Variants in ADCY5 observed in about 807,000 individuals in gnomAD.
ADCY5 encodes adenylate cyclase type 5.
ADCY5 carries 30 observed loss-of-function variants against 119.7 expected under a neutral mutation model. The observed-to-expected ratio is 0.25, with a 90% CI of 0.19 to 0.34. The LOEUF is 0.34. ADCY5 is among the 10% of genes least tolerant of loss of function. The pLI is 1.00. For missense variants in ADCY5, 1,324 were observed against 1,775.2 expected, an observed-to-expected ratio of 0.75 and a Z score of 4.57; for synonymous variants, 753 against 762.2, an observed-to-expected ratio of 0.99 and a Z score of 0.20.
intron 12 of ADCY5, among the ~76,000 whole-genome samples, chr3:123,310,286 T>C (rs528107569): frequency 9.9e-5 from 15 of 151,228 alleles, no homozygotes; most frequent in African/African-American, 3.2e-4. Context: ...GGAGTCACCA[T>C]TTGGGCGGTG....
intron 1 of ADCY5, among the ~76,000 whole-genome samples, chr3:123,408,255 G>T (rs1429802772): frequency 6.6e-6 from 1 of 151,866 alleles, no homozygotes; most frequent in Non-Finnish European, 1.5e-5. Flanking sequence ...GTCGTTATGA[G>T]AATCGAGTGA....
chr3:123,443,751 T>C (rs1018061), intron 1 of ADCY5, among the ~76,000 whole-genome samples: 148,632 of 152,308 alleles, frequency 0.98, 72,626 homozygotes, highest in Non-Finnish European at 1. Flanking sequence ...AAACCCCTAG[T>C]GGCTCCCCCA....
chr3:123,345,769 G>GACACACAGACACACACAC (rs1553731376), intron 3 of ADCY5, among the ~76,000 whole-genome samples: 15,764 of 113,380 alleles, frequency 0.14, 1,553 homozygotes, highest in Middle Eastern at 0.18. Context: ...CAGACAGACA[G>GACACACAGACACACACAC]ACACACACAC....
Position 123,448,015 on chromosome 3 carries a change from G to A in ADCY5, c.531C>T (p.Ala177=), listed in dbSNP as rs1416266221. Residue 177 remains alanine (A), a synonymous_variant, in exon 1 of 21, where the codon GCC becomes GCT. Transcript: ENST00000462833. ...CCCCGGACCCCTCGCCGCCCTCGAC[G>A]GCGCCGGCCTCCAGCTCGTCGGCCG... ...GRAADELEAG[A]VEGGEGSGDG... The A allele has an allele frequency of 8.6e-6, 11 of 1,273,074 alleles. No individual in the cohort carries two copies. The highest frequency in any genetic ancestry group is 1.1e-5 in the Non-Finnish European group (11 of 1,015,018). 78.9% of individuals were successfully genotyped at this position (1,273,074 alleles called of 1,614,324 possible).
chr3:123,299,851 G>A (rs1244621475), intron 15 of ADCY5, among the ~76,000 whole-genome samples: 1 of 152,262 alleles, frequency 6.6e-6, no homozygotes, highest in Admixed American at 6.5e-5. Context: ...GGACCGAGGT[G>A]AAAGCAGCCC....
At chr3:123,426,607 G>A (rs928569784) in intron 1 of ADCY5, among the ~76,000 whole-genome samples, 19 of 152,086 alleles carry the variant, frequency 1.2e-4, no homozygotes, top group African/African-American at 1.9e-4. Context: ...CTGGGATTAC[G>A]GGCGTGAGCC....
chr3:123,373,250 G>A (rs1943696856), intron 1 of ADCY5, among the ~76,000 whole-genome samples: 2 of 152,226 alleles, frequency 1.3e-5, no homozygotes, highest in Non-Finnish European at 2.9e-5. Context: ...TGTACATGAG[G>A]AATACAGACT....
intron 16 of ADCY5, chr3:123,297,105 T>C: frequency 2.0e-6 from 3 of 1,492,688 alleles, no homozygotes; most frequent in South Asian, 1.2e-5. Flanking sequence ...TATGGGATGA[T>C]CTGAAGCCGG....
At chr3:123,363,582 A>G (rs573193977) in intron 1 of ADCY5, among the ~76,000 whole-genome samples, 1 of 152,326 alleles carries the variant, frequency 6.6e-6, no homozygotes, top group South Asian at 2.1e-4. Context: ...AGGAGCAGCT[A>G]AATGTTGAAA....
Position 123,297,388 on chromosome 3 carries a change from AAG to A in ADCY5, c.2901-8_2901-7del. On this transcript the variant is annotated splice_polypyrimidine_tract_variant and splice_region_variant and intron_variant, in intron 15 of 20. Coordinates refer to ENST00000462833, the MANE Select transcript of ADCY5 (RefSeq NM_183357.3). The stretch of plus-strand genomic sequence containing the variant: ...TCCCGTTGTTGAAGAAGTCTCTGTG[AAG>A]AGAGTTGGGGAAGACTGGTCAGGGC... The A allele has an allele frequency of 7.4e-6, 12 of 1,613,948 alleles. No individual in the cohort carries two copies. The highest frequency in any genetic ancestry group is 1.0e-5 in the Non-Finnish European group (12 of 1,179,944).
chr3:123,367,797 C>T, intron 1 of ADCY5: 3 of 1,446,474 alleles, frequency 2.1e-6, no homozygotes, highest in Middle Eastern at 3.5e-4. Flanking sequence ...CACATCTCCT[C>T]CCTCTTTCCA....
chr3:123,445,339 G>A (rs28452594), intron 1 of ADCY5, among the ~76,000 whole-genome samples: 1 of 145,824 alleles, frequency 6.9e-6, no homozygotes, highest in Non-Finnish European at 1.5e-5. Context: ...TGGAATTGGG[G>A]CCCCCCCCAA....
At chr3:123,351,702 G>T (rs1364458345) in intron 2 of ADCY5, among the ~76,000 whole-genome samples, 1 of 152,152 alleles carries the variant, frequency 6.6e-6, no homozygotes, top group African/African-American at 2.4e-5. Context: ...CACAGAAGAG[G>T]AGACAGTGGG....
chr3:123,426,234 G>C (rs1178276475), intron 1 of ADCY5, among the ~76,000 whole-genome samples: 1 of 151,814 alleles, frequency 6.6e-6, no homozygotes, highest in African/African-American at 2.4e-5. Flanking sequence ...GGACAGCAGT[G>C]AACAGGATGA....
At chr3:123,339,187 C>T (rs1052300098) in intron 3 of ADCY5, among the ~76,000 whole-genome samples, 1 of 152,162 alleles carries the variant, frequency 6.6e-6, no homozygotes, top group African/African-American at 2.4e-5. Context: ...CTGGATGGGC[C>T]AGTGGTCTCT....
chr3:123,419,419 C>T (rs1423751237), intron 1 of ADCY5, among the ~76,000 whole-genome samples: 2 of 152,168 alleles, frequency 1.3e-5, no homozygotes, highest in Non-Finnish European at 2.9e-5. Context: ...CTTCCTACTC[C>T]CACCTCAGGC....
At chr3:123,348,039 G>GTGTT in intron 2 of ADCY5, 136 bp from the exon 3 acceptor site, 1 of 651,568 alleles carries the variant, frequency 1.5e-6, no homozygotes, top group Non-Finnish European at 2.6e-6. Flanking sequence ...GGTTAACAGT[G>GTGTT]TGTGTGTGTG....
At chr3:123,377,041 G>A (rs1480744226) in intron 1 of ADCY5, among the ~76,000 whole-genome samples, 2 of 152,070 alleles carry the variant, frequency 1.3e-5, no homozygotes, top group African/African-American at 2.4e-5. Flanking sequence ...AAAATTGCAC[G>A]CGTGTTCTCC....
chr3:123,375,354 T>A (rs922714001), intron 1 of ADCY5, among the ~76,000 whole-genome samples: 4 of 152,206 alleles, frequency 2.6e-5, no homozygotes, highest in African/African-American at 9.6e-5. Flanking sequence ...AACCAGACGC[T>A]AAGTTTTCTC....
Sources: gnomAD v4.1 joint callset for allele counts (sites outside exome capture counted in the v4.1 genomes callset) on GRCh38, gnomAD v4.1.1 for gene constraint, MANE v1.5 for transcripts, NCBI Gene and HGNC (gene_info 2026-07-23, HGNC 2026-07-21) for gene names.